The following UGT1A8 variants were observed in gnomAD, a reference collection of about 807,000 sequenced individuals.
UGT1A8 encodes the protein UDP-glucuronosyltransferase 1A8.
Under a neutral mutation model 45.3 loss-of-function variants are expected in UGT1A8, and 39 were observed. The ratio of observed to expected loss-of-function variants is 0.86; its 90% CI spans 0.67 to 1.12. The LOEUF is 1.12. Ranked by LOEUF, UGT1A8 falls within the 50% of genes most tolerant of loss-of-function variation. The probability of loss-of-function intolerance (pLI) is 0.00; values close to 1 mark genes in which losing one functional copy is unlikely to be tolerated. For synonymous variants in UGT1A8, 275 were observed against 249.2 expected (o/e 1.10, Z -0.97); for missense variants, 719 against 664.9 (o/e 1.08, Z -0.90).
chr2:233,727,683 T>C (rs2077639465), intron 1 of UGT1A8, among the ~76,000 whole-genome samples: 1 of 152,204 alleles, frequency 6.6e-6, no homozygotes, highest in Admixed American at 6.5e-5. Flanking sequence ...TTCCCAGGAA[T>C]CATCCTCTAC....
chr2:233,715,201 T>TA (rs991074487), intron 1 of UGT1A8, among the ~76,000 whole-genome samples: 1 of 152,178 alleles, frequency 6.6e-6, no homozygotes, highest in Non-Finnish European at 1.5e-5. Flanking sequence ...TTCTATCTTT[T>TA]AAAAGACCCT....
intron 1 of UGT1A8, chr2:233,637,171 C>G: frequency 6.2e-7 from 1 of 1,613,958 alleles, no homozygotes; most frequent in Non-Finnish European, 8.5e-7. Flanking sequence ...CTTGGAGGAC[C>G]ATTTATTTTG....
At chr2:233,668,226 C>T (rs1204628558) in intron 1 of UGT1A8, among the ~76,000 whole-genome samples, 1 of 152,098 alleles carries the variant, frequency 6.6e-6, no homozygotes, top group Non-Finnish European at 1.5e-5. Context: ...TCTCGACAGG[C>T]CCCGGTGTGC....
At chr2:233,644,928 T>C (rs2073558687) in intron 1 of UGT1A8, among the ~76,000 whole-genome samples, 1 of 152,168 alleles carries the variant, frequency 6.6e-6, no homozygotes, top group South Asian at 2.1e-4. Flanking sequence ...TTTCCAGTAT[T>C]GACAATCCTT....
chr2:233,748,167 T>A, intron 1 of UGT1A8: 1 of 1,593,478 alleles, frequency 6.3e-7, no homozygotes, highest in Non-Finnish European at 8.5e-7. Context: ...CCATATCTAC[T>A]TATCTTTCTG....
At position 233,617,728 on chromosome 2, in the gene UGT1A8, CA is replaced by C; in HGVS notation, c.22del (p.Ser8AlafsTer11). The C allele has an allele frequency of 6.2e-7, 1 of 1,613,820 alleles. No individual in the cohort carries two copies. Among genetic ancestry groups the C allele is most frequent in the Non-Finnish European group, 8.5e-7 (1 of 1,179,878 alleles). The stretch of plus-strand genomic sequence containing the variant: ...CTCTCATGGCTCGCACAGGGTGGAC[CA>C]GCCCCATTCCCCTATGTGTTTCTCT... MARTGWT[S>X]PIPLCVSLLL... On this transcript the variant is annotated frameshift_variant, in exon 1 of 5. Coordinates refer to ENST00000373450, the MANE Select transcript of UGT1A8 (RefSeq NM_019076.5). LOFTEE classifies it high-confidence loss of function.
intron 4 of UGT1A8, 29 bp downstream of exon 4, chr2:233,768,468 T>C: frequency 6.2e-7 from 1 of 1,604,616 alleles, no homozygotes; most frequent in Non-Finnish European, 8.5e-7. Context: ...AAGAATACTT[T>C]GGTCATGGCA....
At chr2:233,640,375 A>G (rs1170641492) in intron 1 of UGT1A8, among the ~76,000 whole-genome samples, 1 of 152,084 alleles carries the variant, frequency 6.6e-6, no homozygotes, top group African/African-American at 2.4e-5. Context: ...TTGTCATTCC[A>G]TCATTGAATA....
chr2:233,663,060 C>G (rs1327982289), intron 1 of UGT1A8, among the ~76,000 whole-genome samples: 1 of 152,080 alleles, frequency 6.6e-6, no homozygotes, highest in African/African-American at 2.4e-5. Context: ...GCTGTGCAAC[C>G]AACACCACCA....
At chr2:233,697,073 C>A (rs1315770045) in intron 1 of UGT1A8, among the ~76,000 whole-genome samples, 1 of 151,822 alleles carries the variant, frequency 6.6e-6, no homozygotes, top group Non-Finnish European at 1.5e-5. Flanking sequence ...GTTTTGGTAT[C>A]AGGGTAACAC....
chr2:233,629,301 T>C (rs561819035), intron 1 of UGT1A8, among the ~76,000 whole-genome samples: 1 of 152,290 alleles, frequency 6.6e-6, no homozygotes, highest in South Asian at 2.1e-4. Flanking sequence ...ATTTTCTTCC[T>C]TTCTAAGGGT....
chr2:233,698,174 G>T (rs370008696), intron 1 of UGT1A8, among the ~76,000 whole-genome samples: 2 of 152,246 alleles, frequency 1.3e-5, no homozygotes, highest in South Asian at 4.1e-4. Context: ...AGAACATTCT[G>T]TATTATGATA....
intron 1 of UGT1A8, chr2:233,712,866 G>T (rs1236935374): frequency 6.4e-7 from 1 of 1,573,916 alleles, no homozygotes; most frequent in Non-Finnish European, 8.6e-7. Context: ...CTGGAGGAGG[G>T]CACTCTGTCT....
chr2:233,771,327 C>T (rs1000719908), intron 4 of UGT1A8: 1 of 152,118 alleles, frequency 6.6e-6, no homozygotes, highest in African/African-American at 2.4e-5. Context: ...TCTTCAATCT[C>T]CTCTTCATTC....
chr2:233,635,872 A>G (rs1012826844), intron 1 of UGT1A8, among the ~76,000 whole-genome samples: 1 of 151,080 alleles, frequency 6.6e-6, no homozygotes, highest in Non-Finnish European at 1.5e-5. Context: ...GAGGAAAGTC[A>G]TTAAAATAGG....
At chr2:233,739,301 C>A (rs1691042342) in intron 1 of UGT1A8, among the ~76,000 whole-genome samples, 1 of 152,160 alleles carries the variant, frequency 6.6e-6, no homozygotes, top group Non-Finnish European at 1.5e-5. Context: ...TGGGGCACTG[C>A]CTAGTGGAGT....
chr2:233,677,165 C>A (rs1052154794), intron 1 of UGT1A8, among the ~76,000 whole-genome samples: 1 of 152,072 alleles, frequency 6.6e-6, no homozygotes, highest in Non-Finnish European at 1.5e-5. Flanking sequence ...TTTGAGTTTT[C>A]CAATTCATTA....
chr2:233,766,884 A>C, intron 1 of UGT1A8, 150 bp from the exon 2 acceptor site: 4 of 1,457,402 alleles, frequency 2.7e-6, no homozygotes, highest in Non-Finnish European at 3.6e-6. Context: ...ATGCTGTAAA[A>C]CTTACATATT....
At chr2:233,711,438 G>C (rs1384309614) in intron 1 of UGT1A8, among the ~76,000 whole-genome samples, 1 of 152,216 alleles carries the variant, frequency 6.6e-6, no homozygotes, top group Non-Finnish European at 1.5e-5. Context: ...GATGCATACA[G>C]TTTTAAGGGG....
Sources: gnomAD v4.1 joint callset for allele counts (sites outside exome capture counted in the v4.1 genomes callset) on GRCh38, gnomAD v4.1.1 for gene constraint, MANE v1.5 for transcripts, NCBI Gene and HGNC (gene_info 2026-07-23, HGNC 2026-07-21) for gene names.